Variants in ANXA10 observed in about 807,000 individuals in gnomAD.
ANXA10 encodes the protein annexin 14.
A neutral mutation model predicts 53.5 loss-of-function variants in ANXA10; 49 were observed. That is an observed-to-expected ratio of 0.92 (90% confidence interval 0.73 to 1.16). The LOEUF (loss-of-function observed/expected upper bound fraction) is 1.16. ANXA10 is among the 50% of genes most tolerant of loss of function. The probability of loss-of-function intolerance (pLI) is 0.00; values close to 1 mark genes in which losing one functional copy is unlikely to be tolerated. For missense variants in ANXA10, 393 were observed against 394.4 expected, an observed-to-expected ratio of 1.00 and a Z score of 0.03; for synonymous variants, 131 against 128.9, an observed-to-expected ratio of 1.02 and a Z score of -0.11.
intron 2 of ANXA10, among the ~76,000 whole-genome samples, chr4:168,136,145 C>T (rs1171410882): frequency 6.6e-6 from 1 of 152,140 alleles, no homozygotes; most frequent in African/African-American, 2.4e-5. Flanking sequence ...GATCCAGTCA[C>T]CTCCCACCAG....
chr4:168,149,250 C>T (rs1034110594), intron 3 of ANXA10, among the ~76,000 whole-genome samples: 1 of 152,242 alleles, frequency 6.6e-6, no homozygotes, highest in Admixed American at 6.5e-5. Flanking sequence ...CCTTTTAGAC[C>T]AAAGTCTGTC....
chr4:168,162,747 G>A (rs1731808123), intron 4 of ANXA10, 106 bp downstream of exon 4: 3 of 822,674 alleles, frequency 3.6e-6, no homozygotes, highest in Non-Finnish European at 6.1e-6. Flanking sequence ...ATCAAGGAGA[G>A]GGGAGGGAAT....
rs1400124761 is a variant in ANXA10, at chr4:168,128,092, A to G, written c.27A>G (p.Gly9=). 1.9e-5 allele frequency: 31 copies of G among 1,613,054 alleles called. No individual in the cohort carries two copies. The highest frequency in any genetic ancestry group is 2.6e-5 in the Non-Finnish European group (31 of 1,179,386). The part of the protein sequence containing the change: MFCGDYVQ[G]TIFPAPNFNP... ...ATTGATTTTCCCACCAGGTGCAAGG[A>G]ACCATCTTCCCAGCTCCCAATTTCA... The change falls in exon 2 of 12, where the codon GGA becomes GGG. Residue 9 remains glycine (G), a synonymous_variant. Coordinates refer to ENST00000359299, the MANE Select transcript of ANXA10 (RefSeq NM_007193.5).
At chr4:168,151,736 C>T (rs1239200609) in intron 3 of ANXA10, among the ~76,000 whole-genome samples, 1 of 152,184 alleles carries the variant, frequency 6.6e-6, no homozygotes, top group Non-Finnish European at 1.5e-5. Flanking sequence ...ACATGTTATT[C>T]GATATTTATC....
intron 6 of ANXA10, 26 bp from the exon 7 acceptor site, chr4:168,177,714 A>C (rs1732157136): frequency 6.2e-7 from 1 of 1,612,940 alleles, no homozygotes; most frequent in Non-Finnish European, 8.5e-7. Flanking sequence ...GAACATTTAC[A>C]TGGAAAACCT....
chr4:168,130,474 G>C (rs950451822), intron 2 of ANXA10, among the ~76,000 whole-genome samples: 1 of 152,008 alleles, frequency 6.6e-6, no homozygotes, highest in Non-Finnish European at 1.5e-5. Context: ...TTAGGGTAAG[G>C]CTGACCTAGT....
intron 1 of ANXA10, among the ~76,000 whole-genome samples, chr4:168,123,379 A>G (rs971335850): frequency 2.6e-5 from 4 of 152,192 alleles, no homozygotes; most frequent in East Asian, 1.9e-4. Context: ...TATATCATGG[A>G]TAAGTGGGGA....
chr4:168,160,303 A>T (rs1413059076), intron 3 of ANXA10, among the ~76,000 whole-genome samples: 1 of 152,060 alleles, frequency 6.6e-6, no homozygotes, highest in South Asian at 2.1e-4. Flanking sequence ...TGTAAGTGAA[A>T]CATACAGTGT....
In ANXA10 at chr4:168,092,567, G is replaced by T. The variant is rs1579194447; in HGVS notation, c.-134G>T. ...GATTTGCTTTTACATTTTCTTGCCT[G>T]AGTCTGAGGTGAACAGTGAACATAT... On this transcript the variant is annotated 5_prime_UTR_variant, in exon 1 of 12. Coordinates refer to ENST00000359299, the MANE Select transcript of ANXA10 (RefSeq NM_007193.5). 2 of 843,130 alleles carry T rather than the reference G, an allele frequency of 2.4e-6. No individual in the cohort carries two copies. The highest frequency in any genetic ancestry group is 3.7e-6 in the Non-Finnish European group (2 of 541,074). The allele number at this position is 843,130 out of a possible 1,614,324, so 52.2% of individuals were successfully genotyped here.
In ANXA10 at chr4:168,093,268, AAGAT is replaced by A. The variant is rs753842407; in HGVS notation, c.18+553_18+556del. ...TATTTTAAATCCATGCTTTCTGTAA[AAGAT>A]AGCTTATTTTTGAATAATTTTCTGT... On this transcript the variant is annotated intron_variant, in intron 1 of 11. Transcript: ENST00000359299. Among the ~76,000 whole-genome samples, 127 of 151,866 alleles carry A rather than the reference AAGAT, an allele frequency of 8.4e-4. 1 individual carries two copies. Among genetic ancestry groups the A allele is most frequent in the Non-Finnish European group, 1.5e-3 (99 of 67,850 alleles).
chr4:168,185,366 T>C (rs1423802040), intron 11 of ANXA10, among the ~76,000 whole-genome samples: 1 of 152,180 alleles, frequency 6.6e-6, no homozygotes, highest in African/African-American at 2.4e-5. Context: ...GTTTCTTAAA[T>C]CAGTTGAGCT....
chr4:168,179,219 T>C lies in ANXA10; in HGVS notation c.631T>C (p.Phe211Leu), dbSNP rs540383303. The change falls in exon 9 of 12, where the codon TTC (phenylalanine) becomes CTC (leucine). Residue 211 changes from phenylalanine (F) to leucine (L), a missense_variant and splice_region_variant. By Grantham distance (22) the Phe-to-Leu change is conservative. Transcript: ENST00000359299. ...NKSYQQLRLV[F>L]QEFQNISGQD... ...TGAATTACATCAATTTGTTAAAGTT[T>C]TCCAGGAATTTCAAAATATTTCTGG... The C allele has an allele frequency of 1.8e-5, 29 of 1,596,172 alleles. No homozygotes were observed. In the African/African-American group the frequency reaches 2.7e-4, roughly 15 times the overall value.
At chr4:168,115,600 T>A (rs1730881529) in intron 1 of ANXA10, among the ~76,000 whole-genome samples, 1 of 152,118 alleles carries the variant, frequency 6.6e-6, no homozygotes, top group Admixed American at 6.5e-5. Flanking sequence ...ATTTTGTTTT[T>A]ACTTGTAGGG....
chr4:168,166,957 G>A (rs1240442578), intron 6 of ANXA10, among the ~76,000 whole-genome samples: 3 of 152,156 alleles, frequency 2.0e-5, no homozygotes, highest in Non-Finnish European at 1.5e-5. Flanking sequence ...TGAGAATCCT[G>A]CCTAAGGCCC....
chr4:168,120,894 C>T (rs183317447), intron 1 of ANXA10, among the ~76,000 whole-genome samples: 2 of 151,938 alleles, frequency 1.3e-5, no homozygotes, highest in Non-Finnish European at 2.9e-5. Context: ...TAGTATTTAT[C>T]CCAAATTGCA....
chr4:168,155,302 T>C (rs1366485078), intron 3 of ANXA10, among the ~76,000 whole-genome samples: 1 of 134,118 alleles, frequency 7.5e-6, no homozygotes, highest in East Asian at 2.0e-4. Flanking sequence ...TTGTTGGCCC[T>C]TAGTAATATA....
intron 3 of ANXA10, among the ~76,000 whole-genome samples, chr4:168,153,849 C>T (rs922521911): frequency 6.6e-6 from 1 of 152,114 alleles, no homozygotes; most frequent in Non-Finnish European, 1.5e-5. Flanking sequence ...TGTGAGGATT[C>T]AAGCCTAAAA....
intron 1 of ANXA10, among the ~76,000 whole-genome samples, chr4:168,109,075 C>T (rs1730760721): frequency 6.6e-6 from 1 of 152,144 alleles, no homozygotes; most frequent in Admixed American, 6.5e-5. Context: ...CAGGTTACAG[C>T]CTCAGTGAAA....
intron 3 of ANXA10, among the ~76,000 whole-genome samples, chr4:168,140,196 T>A (rs1363444696): frequency 6.6e-6 from 1 of 152,244 alleles, no homozygotes; most frequent in Non-Finnish European, 1.5e-5. Flanking sequence ...TGCTATGCAT[T>A]TAAACCACAA....
Sources: gnomAD v4.1 joint callset for allele counts (sites outside exome capture counted in the v4.1 genomes callset) on GRCh38, gnomAD v4.1.1 for gene constraint, MANE v1.5 for transcripts, NCBI Gene and HGNC (gene_info 2026-07-23, HGNC 2026-07-21) for gene names.